Variants in CISD1 observed in about 807,000 individuals in gnomAD.
The protein encoded by CISD1 is CDGSH iron sulfur domain 1.
CISD1 carries 8 observed loss-of-function variants against 12.0 expected under a neutral mutation model. That is an observed-to-expected ratio of 0.67 (90% CI 0.39 to 1.20). CISD1 has a LOEUF of 1.20. Ranked by LOEUF, CISD1 falls within the 50% of genes most tolerant of loss-of-function variation. The probability of loss-of-function intolerance (pLI) is 0.01; values close to 1 mark genes in which losing one functional copy is unlikely to be tolerated. For missense variants in CISD1, 107 were observed against 132.7 expected (o/e 0.81, Z 0.95); for synonymous variants, 38 against 42.2 (o/e 0.90, Z 0.39).
chr10:58,280,204 G>A (rs1839358967), intron 2 of CISD1, among the ~76,000 whole-genome samples: 1 of 152,172 alleles, frequency 6.6e-6, no homozygotes, highest in East Asian at 1.9e-4. Context: ...CTAAACTGAG[G>A]ACAATCTTGA....
At chr10:58,269,884 CG>C (rs1221380606) in intron 1 of CISD1, among the ~76,000 whole-genome samples, 1 of 152,150 alleles carries the variant, frequency 6.6e-6, no homozygotes, top group Admixed American at 6.5e-5. Context: ...AAACTGCGTT[CG>C]TTGAACCTTC....
intron 1 of CISD1, among the ~76,000 whole-genome samples, chr10:58,271,732 T>G (rs1235751866): frequency 6.7e-6 from 1 of 150,208 alleles, no homozygotes; most frequent in Non-Finnish European, 1.5e-5. Context: ...TTGTTCATCA[T>G]CAGAAGAAAA....
At chr10:58,278,515 A>G (rs1309368900) in intron 2 of CISD1, among the ~76,000 whole-genome samples, 1 of 152,164 alleles carries the variant, frequency 6.6e-6, no homozygotes, top group Non-Finnish European at 1.5e-5. Context: ...ACTGCGTTCC[A>G]GCGACAGAAT....
chr10:58,269,480 C>A (rs960686168), intron 1 of CISD1, among the ~76,000 whole-genome samples, 176 bp downstream of exon 1: 1 of 152,156 alleles, frequency 6.6e-6, no homozygotes, highest in Admixed American at 6.6e-5. Flanking sequence ...CGAAAGGGGG[C>A]GAGGTCAGGG....
At chr10:58,279,666 T>C (rs1215743801) in intron 2 of CISD1, among the ~76,000 whole-genome samples, 2 of 152,238 alleles carry the variant, frequency 1.3e-5, no homozygotes, top group Non-Finnish European at 2.9e-5. Flanking sequence ...CTAGAAATTG[T>C]GGAATTTCTA....
intron 2 of CISD1, among the ~76,000 whole-genome samples, chr10:58,281,367 T>C (rs762878288): frequency 3.9e-5 from 6 of 152,232 alleles, no homozygotes; most frequent in Non-Finnish European, 7.3e-5. Context: ...CTCATGCCTT[T>C]TTTTCCCCCT....
intron 1 of CISD1, among the ~76,000 whole-genome samples, chr10:58,275,249 A>G (rs1344025495): frequency 3.3e-5 from 5 of 152,228 alleles, no homozygotes; most frequent in African/African-American, 1.2e-4. Context: ...TACATTAGCT[A>G]TTCAGAGTGG....
intron 2 of CISD1, among the ~76,000 whole-genome samples, chr10:58,286,558 T>C (rs1211185118): frequency 1.3e-5 from 2 of 152,160 alleles, no homozygotes; most frequent in Non-Finnish European, 2.9e-5. Context: ...AAAATTAAAA[T>C]AATGTGTGCT....
intron 2 of CISD1, among the ~76,000 whole-genome samples, chr10:58,280,181 C>G (rs1164726686): frequency 6.6e-6 from 1 of 152,106 alleles, no homozygotes; most frequent in East Asian, 1.9e-4. Flanking sequence ...CTGCCCTTCC[C>G]CAAGGAATAA....
chr10:58,281,604 G>A (rs1009483121), intron 2 of CISD1, among the ~76,000 whole-genome samples: 3 of 152,166 alleles, frequency 2.0e-5, no homozygotes, highest in Non-Finnish European at 2.9e-5. Context: ...ACACTTAAAC[G>A]CCAGTTCACA....
chr10:58,286,894 G>A (rs2486486), intron 2 of CISD1, among the ~76,000 whole-genome samples: 51,503 of 152,080 alleles, frequency 0.34, 10,970 homozygotes, highest in African/African-American at 0.61. Flanking sequence ...AAAGATTTGG[G>A]AAAGACTGCT....
intron 2 of CISD1, among the ~76,000 whole-genome samples, chr10:58,278,452 A>G (rs1297281816): frequency 1.3e-5 from 2 of 152,156 alleles, no homozygotes; most frequent in East Asian, 3.8e-4. Flanking sequence ...ACTTGAGCCC[A>G]GGAGGTTGAG....
intron 1 of CISD1, among the ~76,000 whole-genome samples, chr10:58,275,470 T>A (rs1041183137): frequency 1.3e-5 from 2 of 152,208 alleles, no homozygotes; most frequent in African/African-American, 4.8e-5. Flanking sequence ...GTGTACCTAC[T>A]TAAAAAATGT....
intron 2 of CISD1, among the ~76,000 whole-genome samples, chr10:58,277,827 G>C (rs2132280290): frequency 6.6e-6 from 1 of 152,134 alleles, no homozygotes; most frequent in Admixed American, 6.5e-5. Context: ...GAAGTGTACA[G>C]CCTAATCACA....
chr10:58,269,514 G>A (rs1012394525), intron 1 of CISD1, among the ~76,000 whole-genome samples: 1 of 152,238 alleles, frequency 6.6e-6, no homozygotes, highest in African/African-American at 2.4e-5. Context: ...TTGGGGCCAT[G>A]CCGGACCAGA....
intron 2 of CISD1, among the ~76,000 whole-genome samples, chr10:58,279,795 T>A (rs1417458948): frequency 1.3e-5 from 2 of 152,158 alleles, no homozygotes; most frequent in African/African-American, 4.8e-5. Context: ...ATATAGTACA[T>A]GCAGTGTAAG....
Position 58,269,175 on chromosome 10 carries a change from C to A in CISD1, c.-99C>A. ...CGCCTGCGCGGTAGCATCGCGGAGT[C>A]GGTGCTTTAGTACGCCGCTGGCACC... On this transcript the variant is annotated 5_prime_UTR_variant, in exon 1 of 3. Coordinates refer to ENST00000333926, the MANE Select transcript of CISD1 (RefSeq NM_018464.5). The A allele has an allele frequency of 1.5e-6, 2 of 1,302,990 alleles. No homozygotes were observed. The highest frequency in any genetic ancestry group is 2.3e-5 in the East Asian group (1 of 43,166). 80.7% of individuals were successfully genotyped at this position (1,302,990 alleles called of 1,614,324 possible). A position where few individuals can be genotyped will look rare whatever the true frequency, so the allele number is the denominator to read the frequency against.
intron 1 of CISD1, 87 bp downstream of exon 1, chr10:58,269,391 C>T (rs1291583798): frequency 8.1e-7 from 1 of 1,234,850 alleles, no homozygotes; most frequent in Non-Finnish European, 1.2e-6. Context: ...TACCACTGCC[C>T]TACGCGCCCG....
rs756732135 is a variant in CISD1 at position 58,276,398 on chromosome 10, AATC to A, written c.32-716_32-714del. Among the ~76,000 whole-genome samples the A allele has an allele frequency of 2.6e-3, 390 of 152,078 alleles. 2 individuals are homozygous for A. Among genetic ancestry groups the A allele is most frequent in the Middle Eastern group, 0.01 (3 of 294 alleles). On this transcript the variant is annotated intron_variant, in intron 1 of 2. Transcript: ENST00000333926. ...AATGAGAATATAACTATACTTATATAATCATGTTTTCTACAAAATATGAAGTTA... is the reference window on the plus strand; with the variant it reads ...AATGAGAATATAACTATACTTATATAATGTTTTCTACAAAATATGAAGTTA...
Sources: allele counts gnomAD v4.1 joint callset (sites outside exome capture counted in the v4.1 genomes callset), GRCh38; gene constraint gnomAD v4.1.1; transcripts MANE v1.5; gene names NCBI Gene and HGNC (gene_info 2026-07-23, HGNC 2026-07-21).